WNK4: variants seen among roughly 807,000 people sequenced by gnomAD.
The protein encoded by WNK4 is serine/threonine-protein kinase WNK4.
A neutral mutation model predicts 116.2 loss-of-function variants in WNK4; 94 were observed. The observed-to-expected ratio is 0.81, with a 90% CI of 0.68 to 0.96. The LOEUF (loss-of-function observed/expected upper bound fraction) is 0.96. WNK4 is among the 40% of genes least tolerant of loss of function. The probability of loss-of-function intolerance (pLI) is 0.00; values close to 1 mark genes in which losing one functional copy is unlikely to be tolerated. For missense variants in WNK4, 1,542 were observed against 1,650.6 expected (o/e 0.93, Z 1.14); for synonymous variants, 655 against 672.7 (o/e 0.97, Z 0.41).
intron 11 of WNK4, among the ~76,000 whole-genome samples, chr17:42,790,810 C>T (rs916440681): frequency 6.6e-6 from 1 of 151,976 alleles, no homozygotes; most frequent in Non-Finnish European, 1.5e-5. Context: ...GATGCCAGCC[C>T]ATGGGGTGAA....
At chr17:42,790,035 G>A (rs1430919891) in intron 11 of WNK4, among the ~76,000 whole-genome samples, 1 of 151,946 alleles carries the variant, frequency 6.6e-6, no homozygotes, top group Non-Finnish European at 1.5e-5. Flanking sequence ...AAACAAAAAG[G>A]CACAGTGTAA....
At chr17:42,785,238 G>A (rs1298228997) in intron 5 of WNK4, 28 bp from the exon 6 acceptor site, 3 of 1,607,806 alleles carry the variant, frequency 1.9e-6, no homozygotes, top group Non-Finnish European at 2.5e-6. Flanking sequence ...GCCGCGGCGG[G>A]CTCGGCTCAC....
chr17:42,786,125 A>G (rs1300563692), intron 6 of WNK4, among the ~76,000 whole-genome samples: 1 of 152,224 alleles, frequency 6.6e-6, no homozygotes, highest in African/African-American at 2.4e-5. Flanking sequence ...GGGCAGTTTT[A>G]TCTCAACTTG....
At position 42,794,776 on chromosome 17, in the gene WNK4, G is replaced by T. The variant is rs2054644271; in HGVS notation, c.2355G>T (p.Glu785Asp). The change falls in exon 14 of 19, where the codon GAG (glutamate) becomes GAT (aspartate). Residue 785 changes from glutamate (E) to aspartate (D), a missense_variant. Physicochemically the swap from Glu to Asp is conservative, Grantham distance 45. Transcript: ENST00000246914. ...TCAACATACCCTCCTTCCCAGAAGA[G>T]CTCCAGAGCAGCACCTCCCTGGAGC... ...PVPLPDPSNE[E>D]LQSSTSLEHR... The T allele has an allele frequency of 1.9e-6, 3 of 1,613,938 alleles. No homozygotes were observed. Among genetic ancestry groups the T allele is most frequent in the Non-Finnish European group, 2.5e-6 (3 of 1,179,988 alleles).
In WNK4 at chr17:42,796,241, A is replaced by G. The variant is rs932489423; in HGVS notation, c.3550A>G (p.Ser1184Gly). ...GIVAPAAMLS[S>G]RQRRLSKGSF... ...TGTGGCCCCAGCTGCTATGCTGTCC[A>G]GCCGCCAGCGCCGCCTCTCCAAGGG... Residue 1184 changes from serine (S) to glycine (G), a missense_variant, in exon 17 of 19, where the codon AGC becomes GGC. Around this residue, in one of 7 missense-constraint regions of WNK4, gnomAD observed 148 missense variants for 157.2 expected, o/e 0.94. Transcript: ENST00000246914. 3.7e-6 allele frequency: 6 copies of G among 1,611,940 alleles called. No individual in the cohort carries two copies. In the Admixed American group the frequency reaches 8.4e-5, roughly 22 times the overall value.
At position 42,781,071 on chromosome 17, in the gene WNK4, C is replaced by T; in HGVS notation, c.373C>T (p.Pro125Ser). The T allele has an allele frequency of 6.2e-7, 1 of 1,612,504 alleles. No homozygotes were observed. The highest frequency in any genetic ancestry group is 1.3e-5 in the African/African-American group (1 of 75,044). The change falls in exon 1 of 19, where the codon CCC becomes TCC. Residue 125 changes from proline to serine, a missense_variant. Physicochemically the swap from Pro to Ser is moderately conservative, Grantham distance 74. Around this residue, in one of 7 missense-constraint regions of WNK4, gnomAD observed 243 missense variants for 217.8 expected, o/e 1.12. Coordinates refer to ENST00000246914, the MANE Select transcript of WNK4 (RefSeq NM_032387.5). ...PVKAAEDSARPELPDSAVGPG... is the reference protein window; with the variant it reads ...PVKAAEDSARSELPDSAVGPG... ...GAAGGCTGCGGAAGACTCCGCGCGTCCCGAGCTCCCGGACTCTGCAGTGGG... is the reference window on the plus strand; with the variant it reads ...GAAGGCTGCGGAAGACTCCGCGCGTTCCGAGCTCCCGGACTCTGCAGTGGG...
intron 8 of WNK4, 108 bp from the exon 9 acceptor site, chr17:42,788,022 T>A: frequency 6.3e-7 from 1 of 1,585,428 alleles, no homozygotes. Flanking sequence ...CTTGCCCTCC[T>A]CTTCCCTAAT....
In WNK4 at chr17:42,785,361, G is replaced by A. The variant is rs1159206204; in HGVS notation, c.1355G>A (p.Gly452Asp). Residue 452 changes from glycine to aspartate, a missense_variant, in exon 6 of 19, where the codon GGC becomes GAC. Gly to Asp is a moderately conservative substitution (Grantham distance 94). Transcript: ENST00000246914. ...GAGGAGGACGACGGCGAGAAGCCGG[G>A]CCTCAAGCTCTGGCTGCGCATGGAG... is the stretch of plus-strand genomic sequence containing the variant. The part of the protein sequence containing the change: ...LAEEDDGEKP[G>D]LKLWLRMEDA... The A allele has an allele frequency of 4.4e-6, 7 of 1,608,164 alleles. No individual in the cohort carries two copies. Among genetic ancestry groups the A allele is most frequent in the South Asian group, 2.2e-5 (2 of 90,012 alleles).
intron 13 of WNK4, 47 bp from the exon 14 acceptor site, chr17:42,794,725 G>A: frequency 1.2e-6 from 2 of 1,613,836 alleles, no homozygotes; most frequent in Non-Finnish European, 1.7e-6. Context: ...TCCTGGGAAG[G>A]GCATAGGGCA....
In WNK4 at chr17:42,796,247, C is replaced by T; in HGVS notation, c.3556C>T (p.Gln1186Ter). ...CCCAGCTGCTATGCTGTCCAGCCGC[C>T]AGCGCCGCCTCTCCAAGGGCAGCTT... The part of the protein sequence containing the change: ...VAPAAMLSSR[Q>*]RRLSKGSFPT... Residue 1186 changes from glutamine to a stop codon, truncating the protein, a stop_gained, in exon 17 of 19, where the codon CAG (glutamine) becomes TAG (stop). Coordinates refer to ENST00000246914, the MANE Select transcript of WNK4 (RefSeq NM_032387.5). LOFTEE classifies it high-confidence loss of function. 4 of 1,612,018 alleles carry T rather than the reference C, an allele frequency of 2.5e-6. No homozygotes were observed. Among genetic ancestry groups the T allele is most frequent in the Non-Finnish European group, 3.4e-6 (4 of 1,179,380 alleles).
In WNK4 at chr17:42,782,916, G is replaced by A. The variant is rs149157215; in HGVS notation, c.777G>A (p.Ser259=). The A allele has an allele frequency of 5.8e-5, 94 of 1,614,052 alleles. No homozygotes were observed. The Middle Eastern group carries it at 8.2e-4, about 14-fold the overall frequency. The change falls in exon 2 of 19, where the codon TCG becomes TCA. Residue 259 remains serine, a synonymous_variant. Coordinates refer to ENST00000246914, the MANE Select transcript of WNK4 (RefSeq NM_032387.5). This position sits in a 1 kb window ranked among gnomAD's most constrained non-coding sequence, Gnocchi z 4.2. ...CIVLVTELMT[S]GTLKTYLRRF... ...TGCTGGTCACCGAACTCATGACCTCGGGCACGCTCAAGACGTGAGCTCTGC... is the reference window on the plus strand; with the variant it reads ...TGCTGGTCACCGAACTCATGACCTCAGGCACGCTCAAGACGTGAGCTCTGC...
chr17:42,785,698 CA>C (rs537569711), intron 6 of WNK4, among the ~76,000 whole-genome samples: 89 of 152,322 alleles, frequency 5.8e-4, no homozygotes, highest in African/African-American at 2.0e-3. Context: ...CTGGGTCCTC[CA>C]GCGTCCCTGC....
chr17:42,780,856 G>C lies in WNK4; in HGVS notation c.158G>C (p.Arg53Pro). ...CGCTTCTCCGGGAAGGCTGAGCCCC[G>C]GCCGCGCTCTTCTCGTCTCAGCCGC... ...ARRFSGKAEP[R>P]PRSSRLSRRS... Residue 53 changes from arginine to proline, a missense_variant, in exon 1 of 19, where the codon CGG becomes CCG. By Grantham distance (103) the Arg-to-Pro change is moderately radical. This residue lies in a region of WNK4 where 243 missense variants were observed against 217.8 expected (regional missense o/e 1.12). Transcript: ENST00000246914. The C allele has an allele frequency of 2.5e-6, 4 of 1,603,044 alleles. No individual in the cohort carries two copies. The highest frequency in any genetic ancestry group is 3.4e-6 in the Non-Finnish European group (4 of 1,178,904).
At chr17:42,788,543 CTAA>C (rs1467798120) in intron 10 of WNK4, 135 bp from the exon 11 acceptor site, 89 of 1,167,280 alleles carry the variant, frequency 7.6e-5, no homozygotes, top group Non-Finnish European at 1.0e-4. Flanking sequence ...AGTCTGGTTT[CTAA>C]TACCAGACTT....
In WNK4 at chr17:42,789,589, G is replaced by A. The variant is rs372051515; in HGVS notation, c.2157+792G>A. Among the ~76,000 whole-genome samples, 8 of 150,958 alleles carry A rather than the reference G, an allele frequency of 5.3e-5. No individual in the cohort carries two copies. In the South Asian group the frequency reaches 6.3e-4, roughly 12 times the overall value. ...TGAGGCAGGAGAATTGCTTGAACCC[G>A]GGAGGCGGAGGTTGCAGTGAGCCGA... On this transcript the variant is annotated intron_variant, in intron 11 of 18. Transcript: ENST00000246914.
chr17:42,794,434 GT>G, intron 12 of WNK4, 179 bp from the exon 13 acceptor site: 1 of 668,634 alleles, frequency 1.5e-6, no homozygotes, highest in Non-Finnish European at 2.6e-6. Flanking sequence ...TTAAGAGTAA[GT>G]TGCAGACATC....
At position 42,796,194 on chromosome 17, in the gene WNK4, G is replaced by T; in HGVS notation, c.3503G>T (p.Gly1168Val). 1 of 1,614,030 alleles carries T rather than the reference G, an allele frequency of 6.2e-7. No individual in the cohort carries two copies. Among genetic ancestry groups the T allele is most frequent in the Non-Finnish European group, 8.5e-7 (1 of 1,180,000 alleles). Residue 1168 changes from glycine (G) to valine (V), a missense_variant, in exon 17 of 19, where the codon GGG becomes GTG. Transcript: ENST00000246914. ...KEIEDLYSRL[G>V]KQPPPGIVAP... is the part of the protein sequence containing the mutation. ...ATTGAAGATTTGTACAGCCGGCTGG[G>T]GAAGCAGCCCCCACCGGGTATTGTG...
At chr17:42,786,805 C>T (rs1201051373) in intron 6 of WNK4, among the ~76,000 whole-genome samples, 4 of 152,122 alleles carry the variant, frequency 2.6e-5, no homozygotes, top group Admixed American at 6.5e-5. Context: ...ATAGCACGGC[C>T]CAACCTGACC....
In WNK4 at chr17:42,785,431, G is replaced by C. The variant is rs761605586; in HGVS notation, c.1425G>C (p.Glu475Asp). Residue 475 changes from glutamate to aspartate, a missense_variant, in exon 6 of 19, where the codon GAG (glutamate) becomes GAC (aspartate). By Grantham distance (45) the Glu-to-Asp change is conservative (BLOSUM62 2). This residue lies in a region of WNK4 where 808 missense variants were observed against 873.6 expected (regional missense o/e 0.92). Coordinates refer to ENST00000246914, the MANE Select transcript of WNK4 (RefSeq NM_032387.5). ...GCCCACGGGACAACCAGGCCATCGA[G>C]TTCCTGTTCCAGCTGGGCCGGGACG... ...GGRPRDNQAI[E>D]FLFQLGRDAA... 3 of 1,560,806 alleles carry C rather than the reference G, an allele frequency of 1.9e-6. No homozygotes were observed. The East Asian group carries it at 7.2e-5, about 37-fold the overall frequency.
Sources: gnomAD v4.1 joint callset for allele counts (sites outside exome capture counted in the v4.1 genomes callset) on GRCh38, gnomAD v4.1.1 for gene constraint, gnomAD v4.1.1 regional missense constraint, Gnocchi (gnomAD v3.1) non-coding constraint, MANE v1.5 for transcripts, NCBI Gene and HGNC (gene_info 2026-07-23, HGNC 2026-07-21) for gene names.